COL21A1: variants seen among roughly 807,000 people sequenced by gnomAD.
COL21A1 encodes collagen alpha-1(XXI) chain.
Under a neutral mutation model 137.9 loss-of-function variants are expected in COL21A1, and 149 were observed. That is an observed-to-expected ratio of 1.08 (90% CI 0.95 to 1.24). The LOEUF (loss-of-function observed/expected upper bound fraction) is 1.24, where lower values mean the gene tolerates loss of function less well. Ranked by LOEUF, COL21A1 falls within the 50% of genes most tolerant of loss-of-function variation. COL21A1 has a pLI of 0.00. For missense variants in COL21A1, 1,167 were observed against 1,158.4 expected (o/e 1.01, Z -0.11); for synonymous variants, 456 against 391.5 (o/e 1.16, Z -1.95).
chr6:56,130,658 GA>G (rs71808256), intron 12 of COL21A1, among the ~76,000 whole-genome samples: 22,803 of 151,866 alleles, frequency 0.15, 1,752 homozygotes, highest in Middle Eastern at 0.22. Flanking sequence ...TGTTGGGACA[GA>G]AAAAAATACG....
chr6:56,109,124 AC>A (rs1771196107), intron 16 of COL21A1, among the ~76,000 whole-genome samples: 1 of 151,784 alleles, frequency 6.6e-6, no homozygotes, highest in Admixed American at 6.6e-5. Flanking sequence ...ATAACAAAAA[AC>A]GAATGTAAAT....
chr6:56,203,838 A>G (rs992449620), intron 1 of COL21A1, among the ~76,000 whole-genome samples: 1 of 152,178 alleles, frequency 6.6e-6, no homozygotes, highest in Non-Finnish European at 1.5e-5. Flanking sequence ...AGGGTGGGGC[A>G]TCACCTCAGC....
At chr6:56,385,811 A>G (rs763583010) in intron 1 of COL21A1, among the ~76,000 whole-genome samples, 2 of 152,002 alleles carry the variant, frequency 1.3e-5, no homozygotes, top group Non-Finnish European at 2.9e-5. Flanking sequence ...AAGGAATTAC[A>G]CTATATGTGA....
intron 17 of COL21A1, among the ~76,000 whole-genome samples, chr6:56,098,766 A>G (rs1412959523): frequency 7.4e-6 from 1 of 134,914 alleles, no homozygotes; most frequent in African/African-American, 2.8e-5. Context: ...CCCAGGCTGG[A>G]GTGCAGTAGC....
At position 56,210,188 on chromosome 6, in the gene COL21A1, T is replaced by C. The variant is rs556695424; in HGVS notation, c.-38-27532A>G. 1.2e-4 allele frequency among the ~76,000 whole-genome samples: 19 copies of C among 152,202 alleles called. No individual in the cohort carries two copies. The East Asian group carries it at 3.7e-3, about 29-fold the overall frequency. On this transcript the variant is annotated intron_variant, in intron 1 of 29. Coordinates refer to ENST00000244728, the MANE Select transcript of COL21A1 (RefSeq NM_030820.4). ...ATTTGATGGGTGCAGCAAACCACCA[T>C]GGCATGTGTAAACCTATGTAACAAA... is the stretch of plus-strand genomic sequence containing the variant.
chr6:56,361,935 T>C (rs1765981342), intron 1 of COL21A1, among the ~76,000 whole-genome samples: 1 of 152,214 alleles, frequency 6.6e-6, no homozygotes, highest in Non-Finnish European at 1.5e-5. Flanking sequence ...CAAACAGACG[T>C]AACCTTTTCC....
chr6:56,280,634 A>G lies in COL21A1; in HGVS notation c.-38-97978T>C, dbSNP rs371204006. On this transcript the variant is annotated intron_variant, in intron 1 of 28. Transcript: ENST00000370819. ...GGCTTGCATACTTCTTGACCAGGCCAGGAATGTAGCACACAATCTTTTGTA... is the reference window on the plus strand; with the variant it reads ...GGCTTGCATACTTCTTGACCAGGCCGGGAATGTAGCACACAATCTTTTGTA... 2.0e-5 allele frequency among the ~76,000 whole-genome samples: 3 copies of G among 152,360 alleles called. No homozygotes were observed. The East Asian group carries it at 5.8e-4, about 29-fold the overall frequency.
intron 1 of COL21A1, among the ~76,000 whole-genome samples, chr6:56,231,457 T>A (rs1781551982): frequency 6.7e-6 from 1 of 149,112 alleles, no homozygotes; most frequent in African/African-American, 2.4e-5. Context: ...ACTCTCTGTA[T>A]CCCAACCAAG....
intron 10 of COL21A1, among the ~76,000 whole-genome samples, chr6:56,149,512 G>T (rs1775115750): frequency 6.6e-6 from 1 of 152,142 alleles, no homozygotes; most frequent in Admixed American, 6.6e-5. Flanking sequence ...TTCACAAGAA[G>T]AGAACTCATC....
chr6:56,225,859 C>T (rs932076248), intron 1 of COL21A1: 2 of 151,976 alleles, frequency 1.3e-5, no homozygotes, highest in African/African-American at 4.8e-5. Flanking sequence ...AGATGTCTTA[C>T]CATTCCTATG....
At chr6:56,057,880 C>G in intron 29 of COL21A1, 36 bp from the exon 30 acceptor site, 1 of 1,401,490 alleles carries the variant, frequency 7.1e-7, no homozygotes, top group South Asian at 1.6e-5. Context: ...AAACAGAGGA[C>G]TTTAGTTTTT....
At chr6:56,357,482 A>T (rs76599940) in intron 1 of COL21A1, among the ~76,000 whole-genome samples, 2,826 of 152,302 alleles carry the variant, frequency 0.019, 87 homozygotes, top group African/African-American at 0.062. Context: ...CAATGTGTGA[A>T]AGTACGCATA....
chr6:56,321,916 A>G (rs116045745), intron 1 of COL21A1, among the ~76,000 whole-genome samples: 2,738 of 152,260 alleles, frequency 0.018, 77 homozygotes, highest in African/African-American at 0.061. Context: ...GAGCTGAGCG[A>G]AACATTTTTA....
chr6:56,146,885 T>C (rs1411012695), intron 10 of COL21A1, among the ~76,000 whole-genome samples: 5 of 152,158 alleles, frequency 3.3e-5, no homozygotes, highest in Admixed American at 2.6e-4. Context: ...CTCTCTCATA[T>C]AGGAAAGGTA....
chr6:56,250,937 C>T (rs976415845), upstream of COL21A1, among the ~76,000 whole-genome samples: 9 of 152,054 alleles, frequency 5.9e-5, no homozygotes, highest in Non-Finnish European at 1.2e-4. Context: ...TTAAACTTCC[C>T]AATGTTTGTT....
intron 1 of COL21A1, among the ~76,000 whole-genome samples, chr6:56,202,759 C>T (rs1280205173): frequency 6.6e-6 from 1 of 152,158 alleles, no homozygotes; most frequent in Non-Finnish European, 1.5e-5. Context: ...AAAGAGAGAA[C>T]TGCAGTAACT....
At chr6:56,292,916 A>C (rs1224920652) in intron 1 of COL21A1, among the ~76,000 whole-genome samples, 1 of 152,236 alleles carries the variant, frequency 6.6e-6, no homozygotes, top group Non-Finnish European at 1.5e-5. Context: ...AACATCATTT[A>C]AAGTAGGATG....
At chr6:56,192,223 A>G (rs1326706324) in intron 1 of COL21A1, among the ~76,000 whole-genome samples, 1 of 152,168 alleles carries the variant, frequency 6.6e-6, no homozygotes, top group Admixed American at 6.5e-5. Context: ...AGACTTAAAC[A>G]TAAGACCTTA....
At chr6:56,335,352 C>A (rs1015123552) in intron 1 of COL21A1, among the ~76,000 whole-genome samples, 2 of 152,168 alleles carry the variant, frequency 1.3e-5, no homozygotes, top group Non-Finnish European at 2.9e-5. Flanking sequence ...CAGCCCAGAT[C>A]AGCCTGCTAC....
Sources: allele counts gnomAD v4.1 joint callset (sites outside exome capture counted in the v4.1 genomes callset), GRCh38; gene constraint gnomAD v4.1.1; transcripts MANE v1.5; gene names NCBI Gene and HGNC (gene_info 2026-07-23, HGNC 2026-07-21).